MROH9: variants seen among roughly 807,000 people sequenced by gnomAD.
The protein encoded by MROH9 is maestro heat-like repeat-containing protein family member 9.
In MROH9, 92 loss-of-function variants were observed where a neutral mutation model predicts 98.2. The ratio of observed to expected loss-of-function variants is 0.94; its 90% CI spans 0.79 to 1.11. The LOEUF is 1.11. Among genes scored for constraint, MROH9 ranks in the 50% most tolerant of loss-of-function variants. The pLI, the probability that MROH9 is intolerant of heterozygous loss-of-function variation, is 0.00. For synonymous variants in MROH9, 397 were observed against 368.9 expected (o/e 1.08, Z -0.87); for missense variants, 1,057 against 1,014.8 (o/e 1.04, Z -0.57).
At chr1:171,021,067 CT>C (rs1652500801) in intron 17 of MROH9, among the ~76,000 whole-genome samples, 1 of 152,050 alleles carries the variant, frequency 6.6e-6, no homozygotes, top group Non-Finnish European at 1.5e-5. Context: ...TGTCAAGGAC[CT>C]CTTTAAGGAG....
intron 3 of MROH9, among the ~76,000 whole-genome samples, chr1:170,953,665 G>A (rs1185908767): frequency 6.6e-6 from 1 of 151,092 alleles, no homozygotes; most frequent in African/African-American, 2.4e-5. Context: ...AATTTCAAAT[G>A]CTTTTATAGT....
At chr1:170,947,721 A>G (rs1285468374) in intron 3 of MROH9, 148 bp downstream of exon 3, 3 of 654,284 alleles carry the variant, frequency 4.6e-6, no homozygotes, top group Non-Finnish European at 7.7e-6. Context: ...TTTGGTTAAA[A>G]ATTGTTTTTA....
chr1:171,063,004 T>C (rs776534309), intron 21 of MROH9, among the ~76,000 whole-genome samples: 3 of 152,132 alleles, frequency 2.0e-5, no homozygotes, highest in Non-Finnish European at 2.9e-5. Context: ...CATTCATTCA[T>C]TCACTCACTC....
intron 3 of MROH9, among the ~76,000 whole-genome samples, chr1:170,953,971 A>G (rs1042868059): frequency 6.6e-6 from 1 of 152,046 alleles, no homozygotes; most frequent in Non-Finnish European, 1.5e-5. Context: ...CTAGGTCACA[A>G]GTCATTTTCT....
chr1:171,028,151 T>C (rs944180749), intron 20 of MROH9, among the ~76,000 whole-genome samples: 1 of 152,130 alleles, frequency 6.6e-6, no homozygotes, highest in Non-Finnish European at 1.5e-5. Context: ...TCTTCTAGGG[T>C]TTTGAGGGTT....
chr1:170,996,571 C>G lies in MROH9; in HGVS notation c.1402C>G (p.Leu468Val). Residue 468 changes from leucine to valine, a missense_variant, in exon 14 of 22, where the codon CTA becomes GTA. By Grantham distance (32) the Leu-to-Val change is conservative. Transcript: ENST00000367759. ...CSGLQQVDIT[L>V]MKENFWDQLS... is the part of the protein sequence containing the mutation. ...TGGACTGCAACAGGTGGATATTACT[C>G]TAATGAAGGAGAATTTCTGGGACCA... The G allele has an allele frequency of 1.2e-6, 2 of 1,613,560 alleles. No homozygotes were observed. The highest frequency in any genetic ancestry group is 1.7e-6 in the Non-Finnish European group (2 of 1,179,650).
chr1:171,043,206 G>C (rs1653362633), intron 20 of MROH9, among the ~76,000 whole-genome samples: 2 of 152,172 alleles, frequency 1.3e-5, no homozygotes, highest in Admixed American at 1.3e-4. Flanking sequence ...CCTGCACATG[G>C]ATATCCAGTT....
chr1:171,054,811 T>G (rs1653777520), intron 20 of MROH9, among the ~76,000 whole-genome samples: 1 of 152,120 alleles, frequency 6.6e-6, no homozygotes, highest in African/African-American at 2.4e-5. Context: ...TGATACCACC[T>G]TACTCCTGCA....
At position 171,021,415 on chromosome 1, in the gene MROH9, T is replaced by C. The variant is rs562170246; in HGVS notation, c.1909-2980T>C. Among the ~76,000 whole-genome samples the C allele has an allele frequency of 5.4e-4, 82 of 152,276 alleles. 1 individual carries two copies. The South Asian group carries it at 0.013, about 23-fold the overall frequency. On this transcript the variant is annotated intron_variant, in intron 17 of 21. Coordinates refer to ENST00000367759, the MANE Select transcript of MROH9 (RefSeq NM_001163629.2). ...TGATACTGGCACCAAAACAGGTATA[T>C]AGACCAACGAAACAGAACAGAGATC... is the stretch of plus-strand genomic sequence containing the variant.
At chr1:171,061,334 A>G (rs746405307) in intron 20 of MROH9, among the ~76,000 whole-genome samples, 9 of 152,130 alleles carry the variant, frequency 5.9e-5, no homozygotes, top group African/African-American at 9.7e-5. Flanking sequence ...AGTGGAACAT[A>G]AGCATACCCG....
intron 20 of MROH9, among the ~76,000 whole-genome samples, chr1:171,037,185 A>T (rs1334299696): frequency 2.0e-5 from 3 of 151,784 alleles, no homozygotes; most frequent in Non-Finnish European, 4.4e-5. Flanking sequence ...TCCCATTTAT[A>T]GTAGGTAAAA....
intron 15 of MROH9, among the ~76,000 whole-genome samples, chr1:171,004,717 C>T (rs1464463680): frequency 6.6e-6 from 1 of 152,130 alleles, no homozygotes; most frequent in East Asian, 1.9e-4. Context: ...ACAATGCAGC[C>T]TCTGCATGCT....
intron 20 of MROH9, among the ~76,000 whole-genome samples, chr1:171,030,187 T>TC (rs1330940191): frequency 6.6e-6 from 1 of 152,206 alleles, no homozygotes; most frequent in African/African-American, 2.4e-5. Context: ...TTCTTTTTTT[T>TC]CTACATTAGT....
At chr1:170,950,116 A>T (rs533027959) in intron 3 of MROH9, among the ~76,000 whole-genome samples, 2 of 152,184 alleles carry the variant, frequency 1.3e-5, no homozygotes, top group Admixed American at 1.3e-4. Flanking sequence ...ATAGCTAGCA[A>T]GTGGCAGAAC....
intron 9 of MROH9, among the ~76,000 whole-genome samples, chr1:170,985,798 C>G (rs1002238509): frequency 6.6e-6 from 1 of 151,824 alleles, no homozygotes; most frequent in African/African-American, 2.4e-5. Flanking sequence ...TTCCATCACC[C>G]CTCTGCCCAG....
intron 20 of MROH9, among the ~76,000 whole-genome samples, chr1:171,049,331 G>A (rs937094760): frequency 1.3e-5 from 2 of 152,166 alleles, no homozygotes; most frequent in Non-Finnish European, 2.9e-5. Context: ...CCCAGCCCCA[G>A]TGGCAGCAGT....
intron 6 of MROH9, among the ~76,000 whole-genome samples, chr1:170,963,380 G>C (rs1382496418): frequency 1.3e-5 from 2 of 152,134 alleles, no homozygotes; most frequent in Non-Finnish European, 2.9e-5. Flanking sequence ...CACTGTTGGT[G>C]GGAGTGTAAA....
At chr1:171,004,316 TC>T (rs1651879280) in intron 15 of MROH9, among the ~76,000 whole-genome samples, 1 of 152,244 alleles carries the variant, frequency 6.6e-6, no homozygotes, top group African/African-American at 2.4e-5. Context: ...GAATTCCTTC[TC>T]CCTGCATAGT....
At chr1:170,997,907 C>T (rs748033852) in intron 14 of MROH9, among the ~76,000 whole-genome samples, 3 of 152,114 alleles carry the variant, frequency 2.0e-5, no homozygotes, top group Non-Finnish European at 2.9e-5. Context: ...ACATTCTGTT[C>T]TGTGGCAAAG....
Sources: gnomAD v4.1 joint callset for allele counts (sites outside exome capture counted in the v4.1 genomes callset) on GRCh38, gnomAD v4.1.1 for gene constraint, MANE v1.5 for transcripts, NCBI Gene and HGNC (gene_info 2026-07-23, HGNC 2026-07-21) for gene names.